Variants in STK39 observed in about 807,000 individuals in gnomAD.
STK39 encodes the protein serine/threonine kinase 39, also known as STE20/SPS1-related proline-alanine-rich protein kinase.
STK39 carries 20 observed loss-of-function variants against 77.8 expected under a neutral mutation model. The observed-to-expected ratio is 0.26, with a 90% CI of 0.18 to 0.37. STK39 has a LOEUF of 0.37. Among genes scored for constraint, STK39 ranks in the 10% least tolerant of loss-of-function variants. STK39 has a pLI of 1.00. For synonymous variants in STK39, 246 were observed against 234.1 expected, an observed-to-expected ratio of 1.05 and a Z score of -0.47; for missense variants, 479 against 656.5, an observed-to-expected ratio of 0.73 and a Z score of 2.95.
chr2:168,164,582 T>C (rs1688652389), intron 3 of STK39, among the ~76,000 whole-genome samples: 2 of 152,138 alleles, frequency 1.3e-5, no homozygotes, highest in Admixed American at 1.3e-4. Flanking sequence ...AATTTTTGTA[T>C]TTTTTGTAGA....
At chr2:168,106,204 C>A (rs1416132480) in intron 10 of STK39, among the ~76,000 whole-genome samples, 1 of 152,170 alleles carries the variant, frequency 6.6e-6, no homozygotes, top group Admixed American at 6.5e-5. Flanking sequence ...CTGTACAAAT[C>A]CCTGCTCTAA....
intron 1 of STK39, among the ~76,000 whole-genome samples, chr2:168,211,495 C>G (rs1264458307): frequency 6.6e-6 from 1 of 152,216 alleles, no homozygotes; most frequent in Non-Finnish European, 1.5e-5. Context: ...GGAGTTCAGC[C>G]TTCTCAACCA....
At chr2:168,103,127 G>A (rs573217911) in intron 10 of STK39, among the ~76,000 whole-genome samples, 1 of 151,392 alleles carries the variant, frequency 6.6e-6, no homozygotes, top group African/African-American at 2.4e-5. Flanking sequence ...TTAATATTTT[G>A]GCTGCACCAG....
At chr2:168,234,228 C>A (rs1293013410) in intron 1 of STK39, among the ~76,000 whole-genome samples, 2 of 152,228 alleles carry the variant, frequency 1.3e-5, no homozygotes, top group African/African-American at 4.8e-5. Context: ...TCCAGCACCA[C>A]CCCATGTAAC....
At chr2:168,233,205 C>A (rs1690506000) in intron 1 of STK39, among the ~76,000 whole-genome samples, 1 of 152,180 alleles carries the variant, frequency 6.6e-6, no homozygotes. Flanking sequence ...CCCGACTCCT[C>A]AGGAAAGGTG....
At chr2:168,081,744 C>A (rs998780713) in intron 10 of STK39, among the ~76,000 whole-genome samples, 10 of 152,152 alleles carry the variant, frequency 6.6e-5, no homozygotes, top group Non-Finnish European at 1.3e-4. Context: ...ACAGGAGGAA[C>A]CCGGTGGGAG....
chr2:167,995,572 G>A lies in STK39; in HGVS notation c.1498+17062C>T, dbSNP rs554398890. On this transcript the variant is annotated intron_variant, in intron 16 of 17. Coordinates refer to ENST00000355999, the MANE Select transcript of STK39 (RefSeq NM_013233.3). Reference sequence around the variant, plus strand: ...GTTTATACCTAAGAATGTGAGCACTGCCCATCAGAAGGATACAGAAAGAAC... The same window carrying A: ...GTTTATACCTAAGAATGTGAGCACTACCCATCAGAAGGATACAGAAAGAAC... Among the ~76,000 whole-genome samples the A allele has an allele frequency of 3.3e-5, 5 of 152,214 alleles. No individual in the cohort carries two copies. The East Asian group carries it at 9.7e-4, about 29-fold the overall frequency.
chr2:168,139,352 T>C (rs1393531243), intron 7 of STK39, among the ~76,000 whole-genome samples: 1 of 151,322 alleles, frequency 6.6e-6, no homozygotes, highest in African/African-American at 2.4e-5. Flanking sequence ...CAAAATCCGG[T>C]ATATGTACCC....
At chr2:168,141,800 A>G (rs1247817351) in intron 5 of STK39, among the ~76,000 whole-genome samples, 2 of 152,206 alleles carry the variant, frequency 1.3e-5, no homozygotes, top group Admixed American at 1.3e-4. Flanking sequence ...TCAGGGTGAC[A>G]GCAATTACCA....
At chr2:167,956,974 C>T (rs1321559956) in intron 17 of STK39, among the ~76,000 whole-genome samples, 4 of 151,810 alleles carry the variant, frequency 2.6e-5, no homozygotes, top group Non-Finnish European at 5.9e-5. Context: ...AATTAAGCTG[C>T]ATAGCACTGC....
chr2:168,045,706 A>T (rs1456610536), intron 14 of STK39, among the ~76,000 whole-genome samples: 1 of 152,158 alleles, frequency 6.6e-6, no homozygotes, highest in African/African-American at 2.4e-5. Context: ...ATAACCAGAC[A>T]TCAGCTACCC....
intron 10 of STK39, among the ~76,000 whole-genome samples, chr2:168,082,082 T>C (rs779552708): frequency 6.6e-6 from 1 of 152,226 alleles, no homozygotes; most frequent in African/African-American, 2.4e-5. Context: ...TCACCCTCTT[T>C]CCCTGCTGTG....
At chr2:168,027,097 G>A (rs1252994534) in intron 14 of STK39, among the ~76,000 whole-genome samples, 1 of 152,196 alleles carries the variant, frequency 6.6e-6, no homozygotes, top group Non-Finnish European at 1.5e-5. Flanking sequence ...TGAGGTTGGA[G>A]GGTGGGTAAG....
At chr2:168,186,328 G>C (rs1689206451) in intron 1 of STK39, among the ~76,000 whole-genome samples, 1 of 152,176 alleles carries the variant, frequency 6.6e-6, no homozygotes, top group African/African-American at 2.4e-5. Flanking sequence ...AAGCCACTCA[G>C]TATATGGTAT....
At chr2:168,242,578 T>C (rs865790422) in intron 1 of STK39, among the ~76,000 whole-genome samples, 1 of 90,722 alleles carries the variant, frequency 1.1e-5, no homozygotes. Flanking sequence ...TATATATATA[T>C]ATATATATAT....
At position 168,140,281 on chromosome 2, in the gene STK39, G is replaced by T; in HGVS notation, c.840+8C>A. 1 of 1,607,448 alleles carries T rather than the reference G, an allele frequency of 6.2e-7. No homozygotes were observed. The highest frequency in any genetic ancestry group is 8.5e-7 in the Non-Finnish European group (1 of 1,173,956). On this transcript the variant is annotated splice_region_variant and intron_variant, in intron 7 of 17. Coordinates refer to ENST00000355999, the MANE Select transcript of STK39 (RefSeq NM_013233.3). ...CAACCCCGATGTAGTATTTCCAATT[G>T]TAATTACTTTCATGGGAGGATATTT...
intron 12 of STK39, among the ~76,000 whole-genome samples, chr2:168,073,039 G>A (rs553383224): frequency 1.2e-3 from 190 of 152,242 alleles, no homozygotes; most frequent in African/African-American, 4.5e-3. Context: ...GACATATGGT[G>A]CTGAGAAATC....
chr2:168,038,436 G>C (rs935359062), intron 14 of STK39, among the ~76,000 whole-genome samples: 11 of 122,898 alleles, frequency 9.0e-5, no homozygotes, highest in African/African-American at 3.3e-4. Context: ...TAAATGTAAA[G>C]GCTAAAATGA....
intron 7 of STK39, among the ~76,000 whole-genome samples, chr2:168,139,393 T>C (rs908717456): frequency 4.7e-5 from 6 of 126,736 alleles, no homozygotes; most frequent in African/African-American, 6.7e-5. Context: ...AAATCCTAAC[T>C]ATGTTAAAAA....
Sources: allele counts gnomAD v4.1 joint callset (sites outside exome capture counted in the v4.1 genomes callset), GRCh38; gene constraint gnomAD v4.1.1; transcripts MANE v1.5; gene names NCBI Gene and HGNC (gene_info 2026-07-23, HGNC 2026-07-21).